The following UNC13B variants were observed in gnomAD, a reference collection of about 807,000 sequenced individuals.
The protein encoded by UNC13B is protein unc-13 homolog B.
Under a neutral mutation model 211.0 loss-of-function variants are expected in UNC13B, and 144 were observed. The observed-to-expected ratio is 0.68, with a 90% CI of 0.60 to 0.78. The LOEUF is 0.78. UNC13B is among the 30% of genes least tolerant of loss of function. UNC13B has a pLI of 0.00. For missense variants in UNC13B, 1,777 were observed against 2,002.0 expected (o/e 0.89, Z 2.14); for synonymous variants, 709 against 725.8 (o/e 0.98, Z 0.37).
At chr9:35,351,393 C>T in intron 11 of UNC13B, 1 of 1,229,360 alleles carries the variant, frequency 8.1e-7, no homozygotes, top group Non-Finnish European at 1.0e-6. Context: ...CCCAAAGCAT[C>T]AGCCAGCAAT....
intron 7 of UNC13B, among the ~76,000 whole-genome samples, chr9:35,291,513 G>T (rs1564116535): frequency 6.6e-6 from 1 of 152,182 alleles, no homozygotes; most frequent in African/African-American, 2.4e-5. Context: ...TGATTTGGCT[G>T]ATTTTCTTGA....
In UNC13B at chr9:35,295,774, C is replaced by T; in HGVS notation, c.605C>T (p.Pro202Leu). ...GAGACCAGCAACAGCTTCCCACCTC[C>T]TTACCATACAGCTTCCCAGCCCAAC... is the stretch of plus-strand genomic sequence containing the variant. ...RSETSNSFPP[P>L]YHTASQPNAS... is the part of the protein sequence containing the mutation. Residue 202 changes from proline (P) to leucine (L), a missense_variant, in exon 8 of 40, where the codon CCT becomes CTT. By Grantham distance (98) the Pro-to-Leu change is moderately conservative. Transcript: ENST00000635942. 1 of 1,614,136 alleles carries T rather than the reference C, an allele frequency of 6.2e-7. No individual in the cohort carries two copies. The highest frequency in any genetic ancestry group is 1.1e-5 in the South Asian group (1 of 91,068).
intron 1 of UNC13B, among the ~76,000 whole-genome samples, chr9:35,173,159 T>C (rs797005376): frequency 3.9e-5 from 6 of 152,270 alleles, no homozygotes; most frequent in African/African-American, 1.2e-4. Context: ...GGGAAGATAA[T>C]TGCTTTTATA....
chr9:35,404,092 G>C lies in UNC13B; in HGVS notation c.*59G>C, dbSNP rs891688890. ...CAATTTCACAAATCAGGGCCAGTGG[G>C]AGTTAGCTGTGTAACCGGCTTAGGG... On this transcript the variant is annotated 3_prime_UTR_variant, in exon 40 of 40. Transcript: ENST00000635942. 6.4e-7 allele frequency: 1 copy of C among 1,572,898 alleles called. No individual in the cohort carries two copies. Among genetic ancestry groups the C allele is most frequent in the Admixed American group, 1.7e-5 (1 of 58,502 alleles).
chr9:35,290,464 G>T (rs1412308929), intron 7 of UNC13B, among the ~76,000 whole-genome samples: 3 of 151,492 alleles, frequency 2.0e-5, no homozygotes, highest in Admixed American at 6.6e-5. Context: ...GATACCATGG[G>T]TAAGGGAGTC....
At chr9:35,249,577 C>T (rs1826332847) in intron 6 of UNC13B, among the ~76,000 whole-genome samples, 1 of 152,084 alleles carries the variant, frequency 6.6e-6, no homozygotes, top group Non-Finnish European at 1.5e-5. Context: ...TCAGCATTTG[C>T]TTGTCTGTAA....
intron 12 of UNC13B, among the ~76,000 whole-genome samples, chr9:35,368,349 G>T (rs1271501121): frequency 6.6e-6 from 1 of 152,138 alleles, no homozygotes; most frequent in East Asian, 1.9e-4. Context: ...TAAGAATAGT[G>T]GCCTCCAGCT....
At chr9:35,250,775 G>T (rs1282298020) in intron 6 of UNC13B, among the ~76,000 whole-genome samples, 3 of 152,020 alleles carry the variant, frequency 2.0e-5, no homozygotes, top group African/African-American at 4.8e-5. Context: ...ACTCCTACCA[G>T]CAGTGTATAA....
At chr9:35,202,957 T>A (rs1047609201) in intron 1 of UNC13B, among the ~76,000 whole-genome samples, 1 of 151,984 alleles carries the variant, frequency 6.6e-6, no homozygotes, top group East Asian at 1.9e-4. Flanking sequence ...CGTGCCCGGC[T>A]AATTTTTTGT....
chr9:35,285,870 CTGAT>C (rs1437773529), intron 7 of UNC13B, among the ~76,000 whole-genome samples: 1 of 152,114 alleles, frequency 6.6e-6, no homozygotes, highest in Non-Finnish European at 1.5e-5. Flanking sequence ...AGTTTGTTGA[CTGAT>C]TGGACATGGG....
At chr9:35,175,023 C>G (rs1408099331) in intron 1 of UNC13B, among the ~76,000 whole-genome samples, 1 of 150,906 alleles carries the variant, frequency 6.6e-6, no homozygotes, top group East Asian at 2.0e-4. Flanking sequence ...GTCTCGAACT[C>G]CTGGGACTCA....
rs1485558172 is a variant in UNC13B, at chr9:35,382,357, G to T, written c.10656G>T (p.Thr3552=). ...YGIESIYQAM[T]HFACLSSKYM... is the part of the protein sequence containing the mutation. Reference sequence around the variant, plus strand: ...AGGCTGCGGGTGCTGTGTTTTTCAGGCACTTTGCATGTTTATCATCCAAGT... The same window carrying T: ...AGGCTGCGGGTGCTGTGTTTTTCAGTCACTTTGCATGTTTATCATCCAAGT... The change falls in exon 21 of 40, where the codon ACG becomes ACT. Residue 3552 remains threonine, a splice_region_variant and synonymous_variant. Coordinates refer to ENST00000635942, the MANE Select transcript of UNC13B (RefSeq NM_001371189.2). 1.2e-5 allele frequency: 19 copies of T among 1,609,734 alleles called. No homozygotes were observed. Among genetic ancestry groups the T allele is most frequent in the Non-Finnish European group, 1.6e-5 (19 of 1,178,676 alleles).
chr9:35,228,831 T>G (rs1825028822), intron 2 of UNC13B, among the ~76,000 whole-genome samples: 1 of 151,938 alleles, frequency 6.6e-6, no homozygotes. Flanking sequence ...GGTCCCTGAT[T>G]GATTAATACT....
At chr9:35,273,652 G>A (rs1016178106) in intron 7 of UNC13B, among the ~76,000 whole-genome samples, 1 of 152,140 alleles carries the variant, frequency 6.6e-6, no homozygotes, top group Non-Finnish European at 1.5e-5. Flanking sequence ...CCACTTGGAC[G>A]ATTAGGTTCC....
chr9:35,216,209 C>G (rs541970243), intron 1 of UNC13B, among the ~76,000 whole-genome samples: 3 of 152,266 alleles, frequency 2.0e-5, no homozygotes, highest in South Asian at 2.1e-4. Context: ...ATTCAGTAAG[C>G]ATTCATGATA....
In UNC13B at chr9:35,303,710, T is replaced by C; in HGVS notation, c.4306T>C (p.Phe1436Leu). ...ATATGAATCATTCAATCAGTTAGCA[T>C]TTAATGAAGATTACTTATTAAGAGG... ...LPYESFNQLA[F>L]NEDYLLRGDV... Residue 1436 changes from phenylalanine to leucine, a missense_variant, in exon 9 of 40, where the codon TTT becomes CTT. By Grantham distance (22) the Phe-to-Leu change is conservative (BLOSUM62 0). Transcript: ENST00000635942. The C allele has an allele frequency of 2.5e-6, 1 of 398,744 alleles. No individual in the cohort carries two copies. The highest frequency in any genetic ancestry group is 4.4e-6 in the Non-Finnish European group (1 of 225,826). The allele number at this position is 398,744 out of a possible 1,614,324, so 24.7% of individuals were successfully genotyped here.
At chr9:35,261,982 C>T (rs1827300479) in intron 7 of UNC13B, among the ~76,000 whole-genome samples, 1 of 152,012 alleles carries the variant, frequency 6.6e-6, no homozygotes, top group Non-Finnish European at 1.5e-5. Flanking sequence ...ATAAATAGTA[C>T]TACATTGTGT....
chr9:35,392,466 T>C (rs1195298200), intron 26 of UNC13B, among the ~76,000 whole-genome samples: 1 of 152,014 alleles, frequency 6.6e-6, no homozygotes, highest in African/African-American at 2.4e-5. Context: ...CAGGACTTCG[T>C]GATTGTCAGA....
chr9:35,236,052 A>G (rs1400239311), intron 3 of UNC13B, among the ~76,000 whole-genome samples: 1 of 125,646 alleles, frequency 8.0e-6, no homozygotes, highest in Non-Finnish European at 1.6e-5. Context: ...TATACAATTT[A>G]GACATTTATA....
Sources: allele counts gnomAD v4.1 joint callset (sites outside exome capture counted in the v4.1 genomes callset), GRCh38; gene constraint gnomAD v4.1.1; transcripts MANE v1.5; gene names NCBI Gene and HGNC (gene_info 2026-07-23, HGNC 2026-07-21).